Variants in PTPRT observed in about 807,000 individuals in gnomAD.
PTPRT encodes the protein protein tyrosine phosphatase receptor type T.
PTPRT carries 56 observed loss-of-function variants against 176.8 expected under a neutral mutation model. That is an observed-to-expected ratio of 0.32 (90% CI 0.26 to 0.40). PTPRT has a LOEUF of 0.40. PTPRT is among the 10% of genes least tolerant of loss of function. PTPRT has a pLI of 1.00. For synonymous variants in PTPRT, 783 were observed against 739.0 expected (o/e 1.06, Z -0.96); for missense variants, 1,540 against 1,908.2 (o/e 0.81, Z 3.60).
the PTPRT span, among the ~76,000 whole-genome samples, chr20:42,049,623 G>T: frequency 6.6e-6 from 1 of 152,170 alleles, no homozygotes; most frequent in African/African-American, 2.4e-5. Flanking sequence ...CTCAAAGTAT[G>T]CTCTGAATCT....
chr20:43,153,430 T>G (rs1417896566), intron 1 of PTPRT, among the ~76,000 whole-genome samples: 3 of 152,174 alleles, frequency 2.0e-5, no homozygotes, highest in Non-Finnish European at 4.4e-5. Flanking sequence ...ATAAATGAAT[T>G]GTTCTTATGT....
intron 7 of PTPRT, among the ~76,000 whole-genome samples, chr20:42,487,632 T>A (rs2071486394): frequency 6.6e-6 from 1 of 151,926 alleles, no homozygotes; most frequent in Admixed American, 6.6e-5. Flanking sequence ...GCTTCAAGGA[T>A]GGAGAAAGAA....
chr20:42,262,586 T>TG (rs1222604950), intron 13 of PTPRT, among the ~76,000 whole-genome samples: 2 of 152,288 alleles, frequency 1.3e-5, no homozygotes, highest in South Asian at 2.1e-4. Context: ...AAATGGTAGA[T>TG]GGTGAGTAGA....
chr20:42,976,474 C>T (rs898069001), intron 1 of PTPRT, among the ~76,000 whole-genome samples: 8 of 151,864 alleles, frequency 5.3e-5, no homozygotes, highest in Non-Finnish European at 1.0e-4. Context: ...GGTGCAATCT[C>T]GGCTTAGTGC....
intron 1 of PTPRT, among the ~76,000 whole-genome samples, chr20:43,143,303 A>C (rs2014874150): frequency 6.6e-6 from 1 of 152,082 alleles, no homozygotes; most frequent in Non-Finnish European, 1.5e-5. Context: ...CAGCAAATTG[A>C]TCTAATAAAA....
chr20:42,939,901 C>G (rs1227349440), intron 1 of PTPRT, among the ~76,000 whole-genome samples: 1 of 152,078 alleles, frequency 6.6e-6, no homozygotes, highest in African/African-American at 2.4e-5. Context: ...TAGATATAAT[C>G]TTATCCATTC....
chr20:42,107,903 A>C (rs148843879), intron 23 of PTPRT, among the ~76,000 whole-genome samples: 458 of 152,328 alleles, frequency 3.0e-3, no homozygotes, highest in Non-Finnish European at 5.0e-3. Context: ...AAGTACACCC[A>C]TTGGAAGCAG....
rs540201817 is a variant in PTPRT at position 42,784,410 on chromosome 20, T to C, written c.487-4111A>G. Among the ~76,000 whole-genome samples the C allele has an allele frequency of 1.6e-3, 247 of 152,270 alleles. 1 individual carries two copies. The highest frequency in any genetic ancestry group is 3.0e-3 in the Non-Finnish European group (205 of 67,994). On this transcript the variant is annotated intron_variant, in intron 3 of 30. Transcript: ENST00000373187. The stretch of plus-strand genomic sequence containing the variant: ...ACTCCTCTTAGAACATAAATATACA[T>C]GTTTTCATGGGGAGAGATTGTTTAG...
chr20:42,248,696 A>G lies in PTPRT; in HGVS notation c.2303T>C (p.Ile768Thr). ...IIILLGVMLTIKRRRNAYSYS... is the reference protein window; with the variant it reads ...IIILLGVMLTTKRRRNAYSYS... ...AGCAGCAGAGACTCACCTCCTTTTG[A>G]TGGTGAGCATCACGCCCAGGAGAAT... Residue 768 changes from isoleucine (I) to threonine (T), a missense_variant, in exon 14 of 31, where the codon ATC (isoleucine) becomes ACC (threonine). Physicochemically the swap from Ile to Thr is moderately conservative, Grantham distance 89 (BLOSUM62 -1). This residue lies in a region of PTPRT where 255 missense variants were observed against 250.1 expected (regional missense o/e 1.02). Transcript: ENST00000373187. 6.2e-7 allele frequency: 1 copy of G among 1,613,848 alleles called. No individual in the cohort carries two copies. Among genetic ancestry groups the G allele is most frequent in the Non-Finnish European group, 8.5e-7 (1 of 1,179,828 alleles).
intron 11 of PTPRT, among the ~76,000 whole-genome samples, chr20:42,349,962 T>C (rs1180693780): frequency 1.3e-5 from 2 of 152,180 alleles, no homozygotes; most frequent in Admixed American, 1.3e-4. Context: ...AGTGCCCCTA[T>C]GGGACTCCAG....
At chr20:42,209,351 T>C (rs940774795) in intron 15 of PTPRT, among the ~76,000 whole-genome samples, 31 of 151,778 alleles carry the variant, frequency 2.0e-4, no homozygotes, top group African/African-American at 7.3e-4. Flanking sequence ...AATTAATGAA[T>C]CCAGGAGCTG....
At chr20:42,274,650 T>C (rs2056998508) in intron 13 of PTPRT, among the ~76,000 whole-genome samples, 1 of 151,272 alleles carries the variant, frequency 6.6e-6, no homozygotes, top group Admixed American at 6.6e-5. Flanking sequence ...TTCTGACTCT[T>C]GTCCCTTCTA....
intron 1 of PTPRT, among the ~76,000 whole-genome samples, chr20:42,907,253 T>G (rs371907078): frequency 1.3e-5 from 2 of 152,108 alleles, no homozygotes; most frequent in East Asian, 1.9e-4. Context: ...ATGCAGCCCT[T>G]TGTGAAACAA....
chr20:42,896,868 T>C (rs1311041161), intron 1 of PTPRT, among the ~76,000 whole-genome samples: 3 of 152,194 alleles, frequency 2.0e-5, no homozygotes, highest in Admixed American at 6.5e-5. Flanking sequence ...GTGGGGCTTA[T>C]TAATTGTGAA....
chr20:42,098,614 A>G, intron 26 of PTPRT, 62 bp from the exon 27 acceptor site: 1 of 1,601,446 alleles, frequency 6.2e-7, no homozygotes, highest in South Asian at 1.1e-5. Context: ...TCTGATGATG[A>G]TGAGGCCTGG....
intron 2 of PTPRT, among the ~76,000 whole-genome samples, chr20:42,852,081 A>G (rs2078482389): frequency 6.6e-6 from 1 of 152,124 alleles, no homozygotes; most frequent in African/African-American, 2.4e-5. Flanking sequence ...TTATTTTATA[A>G]CTCTCTGTAA....
rs2057138447 is a variant in PTPRT, at chr20:42,281,500, T to C, written c.2176+989A>G. ...CATTTCGTCAAGTAGCTGTAGATTT[T>C]TTTCTCTCTTTTTCTCCCCACTCTG... On this transcript the variant is annotated intron_variant, in intron 13 of 30. Coordinates refer to ENST00000373187, the MANE Select transcript of PTPRT (RefSeq NM_007050.6). 2.0e-5 allele frequency among the ~76,000 whole-genome samples: 3 copies of C among 152,178 alleles called. No homozygotes were observed. In the South Asian group the frequency reaches 6.2e-4, roughly 31 times the overall value.
chr20:42,320,129 GC>G (rs1169752831), intron 11 of PTPRT, among the ~76,000 whole-genome samples: 1 of 152,092 alleles, frequency 6.6e-6, no homozygotes, highest in Non-Finnish European at 1.5e-5. Flanking sequence ...GTTATACTGT[GC>G]CCCCAACTAA....
chr20:42,119,241 T>G (rs1987459630), intron 20 of PTPRT, among the ~76,000 whole-genome samples: 1 of 152,184 alleles, frequency 6.6e-6, no homozygotes, highest in South Asian at 2.1e-4. Context: ...TTATATGCAT[T>G]TTCTGATGCC....
Sources: allele counts gnomAD v4.1 joint callset (sites outside exome capture counted in the v4.1 genomes callset), GRCh38; gene constraint gnomAD v4.1.1; regional missense constraint gnomAD v4.1.1; transcripts MANE v1.5; gene names NCBI Gene and HGNC (gene_info 2026-07-23, HGNC 2026-07-21).